Variants in KIF15 observed in about 807,000 individuals in gnomAD.
KIF15 encodes the protein kinesin-like protein KIF15.
A neutral mutation model predicts 190.6 loss-of-function variants in KIF15; 140 were observed. The observed-to-expected ratio is 0.73, with a 90% CI of 0.64 to 0.84. The LOEUF (loss-of-function observed/expected upper bound fraction) is 0.84, where lower values mean the gene tolerates loss of function less well. KIF15 is among the 40% of genes least tolerant of loss of function. The pLI is 0.00. For synonymous variants in KIF15, 528 were observed against 551.3 expected (o/e 0.96, Z 0.59); for missense variants, 1,372 against 1,584.4 (o/e 0.87, Z 2.28).
At chr3:44,785,558 T>G (rs1706363950) in intron 6 of KIF15, among the ~76,000 whole-genome samples, 1 of 152,222 alleles carries the variant, frequency 6.6e-6, no homozygotes, top group African/African-American at 2.4e-5. Flanking sequence ...TGTTTTATGT[T>G]CCATTACTTG....
At chr3:44,786,971 C>A (rs1706437535) in intron 7 of KIF15, among the ~76,000 whole-genome samples, 1 of 152,128 alleles carries the variant, frequency 6.6e-6, no homozygotes, top group Admixed American at 6.5e-5. Context: ...CAGCTCAGGA[C>A]AAGCAAACCT....
At chr3:44,825,105 G>A (rs989810045) in intron 20 of KIF15, among the ~76,000 whole-genome samples, 1 of 152,142 alleles carries the variant, frequency 6.6e-6, no homozygotes, top group Non-Finnish European at 1.5e-5. Flanking sequence ...AACCTTCTCA[G>A]TGTCTCCAGT....
intron 6 of KIF15, chr3:44,865,042 C>T: frequency 6.2e-7 from 1 of 1,614,028 alleles, no homozygotes; most frequent in Non-Finnish European, 8.5e-7. Flanking sequence ...TCTCGCAGGC[C>T]TTCCTGGGCT....
chr3:44,768,556 C>A (rs58188314), intron 1 of KIF15, among the ~76,000 whole-genome samples: 68,435 of 151,726 alleles, frequency 0.45, 16,593 homozygotes, highest in East Asian at 0.83. Flanking sequence ...CTGAGCCACT[C>A]CACATTGATT....
chr3:44,851,695 A>C, intron 32 of KIF15, 92 bp from the exon 33 acceptor site: 3 of 1,006,098 alleles, frequency 3.0e-6, no homozygotes, highest in Non-Finnish European at 4.3e-6. Flanking sequence ...TCAAATCAAA[A>C]TTCTGGCCTT....
At chr3:44,767,045 C>CAA (rs1705418977) in intron 1 of KIF15, among the ~76,000 whole-genome samples, 2 of 151,988 alleles carry the variant, frequency 1.3e-5, no homozygotes, top group Non-Finnish European at 2.9e-5. Flanking sequence ...CTCCTGACCT[C>CAA]GTGATCCGCC....
At chr3:44,832,719 A>G (rs1436554004) in intron 26 of KIF15, among the ~76,000 whole-genome samples, 4 of 152,188 alleles carry the variant, frequency 2.6e-5, no homozygotes, top group Admixed American at 2.6e-4. Flanking sequence ...CACATAAGAT[A>G]TAAGATTAAA....
At chr3:44,836,696 A>T (rs1240390089) in intron 26 of KIF15, among the ~76,000 whole-genome samples, 1 of 152,240 alleles carries the variant, frequency 6.6e-6, no homozygotes, top group East Asian at 1.9e-4. Context: ...TTAGGAGTTC[A>T]GCCTAGGTCT....
chr3:44,766,601 G>T (rs75366655), intron 1 of KIF15, among the ~76,000 whole-genome samples: 1 of 152,026 alleles, frequency 6.6e-6, no homozygotes, highest in Admixed American at 6.5e-5. Context: ...GAGCTGGAGG[G>T]ATCCCTGTGT....
Position 44,841,205 on chromosome 3 carries a change from A to G in KIF15, c.3552A>G (p.Arg1184=), listed in dbSNP as rs1698585673. 1.2e-6 allele frequency: 2 copies of G among 1,607,616 alleles called. No individual in the cohort carries two copies. The highest frequency in any genetic ancestry group is 2.7e-5 in the African/African-American group (2 of 74,396). The change falls in exon 29 of 35, where the codon AGA becomes AGG. Residue 1184 remains arginine, a synonymous_variant. Coordinates refer to ENST00000326047, the MANE Select transcript of KIF15 (RefSeq NM_020242.3). ...TTGTAACAAAGCTAAATGAAGACAG[A>G]GAAGTCAAAAATGCTGAAATCCTCA... ...EHLVTKLNED[R]EVKNAEILRM...
Position 44,815,067 on chromosome 3 carries a change from A to G in KIF15, c.2540A>G (p.Asp847Gly). The G allele has an allele frequency of 6.3e-7, 1 of 1,590,980 alleles. No homozygotes were observed. Among genetic ancestry groups the G allele is most frequent in the Non-Finnish European group, 8.5e-7 (1 of 1,170,712 alleles). ...CACATGCATGTACAGCTTCAATTAG[A>G]TAATCTCAGGTAGAGTTGTTCTTTT... Reference protein sequence around the residue: ...ERHMHVQLQLDNLRLENEKLL... With the variant: ...ERHMHVQLQLGNLRLENEKLL... Residue 847 changes from aspartate to glycine, a missense_variant, in exon 20 of 35, where the codon GAT (aspartate) becomes GGT (glycine). Asp to Gly is a moderately conservative substitution (Grantham distance 94). Coordinates refer to ENST00000326047, the MANE Select transcript of KIF15 (RefSeq NM_020242.3).
At chr3:44,826,254 T>G in intron 21 of KIF15, 65 bp downstream of exon 21, 1 of 1,556,778 alleles carries the variant, frequency 6.4e-7, no homozygotes, top group Non-Finnish European at 8.7e-7. Flanking sequence ...GGACAAGGAC[T>G]GTCCTTTCCT....
chr3:44,820,853 A>G (rs1423661510), intron 20 of KIF15, among the ~76,000 whole-genome samples: 1 of 152,062 alleles, frequency 6.6e-6, no homozygotes. Context: ...CCCGTTCTCA[A>G]TGAGCTGCCG....
intron 31 of KIF15, 151 bp from the exon 32 acceptor site, chr3:44,848,370 T>G (rs977797594): frequency 3.6e-6 from 2 of 561,482 alleles, no homozygotes; most frequent in Non-Finnish European, 6.4e-6. Flanking sequence ...GTACTTACTT[T>G]ATGTATGTGT....
intron 1 of KIF15, 77 bp downstream of exon 1, chr3:44,761,961 G>T (rs1332026550): frequency 2.2e-5 from 35 of 1,586,094 alleles, no homozygotes; most frequent in Non-Finnish European, 2.9e-5. Context: ...GCCTCGGACC[G>T]CCCGCAAGGT....
intron 6 of KIF15, among the ~76,000 whole-genome samples, chr3:44,861,600 G>C (rs904469359): frequency 6.6e-6 from 1 of 152,182 alleles, no homozygotes; most frequent in African/African-American, 2.4e-5. Flanking sequence ...GTTTCACCGG[G>C]AGCCGGGTGG....
intron 24 of KIF15, 67 bp downstream of exon 24, chr3:44,828,367 C>A: frequency 1.8e-6 from 2 of 1,101,130 alleles, no homozygotes; most frequent in South Asian, 1.3e-5. Context: ...ACATTTTGTT[C>A]TCCTACCTCT....
intron 6 of KIF15, among the ~76,000 whole-genome samples, chr3:44,861,659 G>A (rs1313621789): frequency 6.6e-6 from 1 of 152,214 alleles, no homozygotes; most frequent in Non-Finnish European, 1.5e-5. Context: ...CTACCACAGC[G>A]TCCACAGTAC....
At chr3:44,803,127 A>G in intron 14 of KIF15, 136 bp downstream of exon 14, 1 of 590,406 alleles carries the variant, frequency 1.7e-6, no homozygotes, top group Non-Finnish European at 2.6e-6. Flanking sequence ...ATATTCTTTT[A>G]TATTATAGAA....
Sources: allele counts gnomAD v4.1 joint callset (sites outside exome capture counted in the v4.1 genomes callset), GRCh38; gene constraint gnomAD v4.1.1; transcripts MANE v1.5; gene names NCBI Gene and HGNC (gene_info 2026-07-23, HGNC 2026-07-21).